Variants in LRRTM4 observed in about 807,000 individuals in gnomAD.
LRRTM4 encodes the protein leucine-rich repeat transmembrane neuronal protein 4.
In LRRTM4, 25 loss-of-function variants were observed where a neutral mutation model predicts 47.6. The observed-to-expected ratio is 0.53, with a 90% CI of 0.38 to 0.73. The LOEUF (loss-of-function observed/expected upper bound fraction) is 0.73. Among genes scored for constraint, LRRTM4 ranks in the 30% least tolerant of loss-of-function variants. The pLI is 0.00. For missense variants in LRRTM4, 638 were observed against 713.4 expected (o/e 0.89, Z 1.20); for synonymous variants, 311 against 269.5 (o/e 1.15, Z -1.51).
chr2:77,184,878 C>T (rs764410586), intron 3 of LRRTM4, among the ~76,000 whole-genome samples: 61 of 151,962 alleles, frequency 4.0e-4, no homozygotes, highest in Non-Finnish European at 7.8e-4. Context: ...AATAAGATAG[C>T]GTTGATTTGG....
intron 3 of LRRTM4, among the ~76,000 whole-genome samples, chr2:77,076,720 T>C (rs1344266783): frequency 1.3e-5 from 2 of 152,218 alleles, no homozygotes; most frequent in Admixed American, 6.5e-5. Context: ...AGAATGTTTA[T>C]GTCCTCCATA....
intron 3 of LRRTM4, among the ~76,000 whole-genome samples, chr2:76,905,070 C>T (rs921460516): frequency 1.3e-5 from 2 of 152,110 alleles, no homozygotes; most frequent in Non-Finnish European, 2.9e-5. Context: ...ACCCCCTGAC[C>T]ACTGAGCAGC....
chr2:77,477,556 C>T (rs1351971913), intron 3 of LRRTM4, among the ~76,000 whole-genome samples: 1 of 151,688 alleles, frequency 6.6e-6, no homozygotes, highest in Non-Finnish European at 1.5e-5. Context: ...CCTTCAAAGC[C>T]ACTAGGCCAG....
At chr2:77,276,146 C>T (rs373264800) in intron 3 of LRRTM4, among the ~76,000 whole-genome samples, 105 of 151,994 alleles carry the variant, frequency 6.9e-4, no homozygotes, top group African/African-American at 2.4e-3. Flanking sequence ...AGTTAAAGAG[C>T]TCCATATTCT....
At chr2:77,085,890 T>C (rs1572943158) in intron 3 of LRRTM4, among the ~76,000 whole-genome samples, 1 of 152,172 alleles carries the variant, frequency 6.6e-6, no homozygotes, top group African/African-American at 2.4e-5. Context: ...TGTTGGCCTA[T>C]TTCTAGCCTC....
At chr2:76,947,840 A>G (rs543770510) in intron 3 of LRRTM4, among the ~76,000 whole-genome samples, 4 of 151,846 alleles carry the variant, frequency 2.6e-5, no homozygotes, top group Non-Finnish European at 4.4e-5. Context: ...GGGAATAGGC[A>G]CATTTACAGC....
At chr2:77,427,321 GT>G (rs1325862790) in intron 3 of LRRTM4, among the ~76,000 whole-genome samples, 1 of 152,120 alleles carries the variant, frequency 6.6e-6, no homozygotes, top group Non-Finnish European at 1.5e-5. Context: ...TTGGGACCTA[GT>G]TAATATCTGA....
chr2:76,781,028 G>T (rs931368625), intron 3 of LRRTM4, among the ~76,000 whole-genome samples: 1 of 152,244 alleles, frequency 6.6e-6, no homozygotes, highest in Admixed American at 6.5e-5. Flanking sequence ...CGTGTGAGGT[G>T]TCAGTGTGCC....
chr2:77,121,031 A>T (rs1384530004), intron 3 of LRRTM4, among the ~76,000 whole-genome samples: 1 of 151,832 alleles, frequency 6.6e-6, no homozygotes, highest in African/African-American at 2.4e-5. Flanking sequence ...GTGCAGAGGT[A>T]CTGTTTGGAA....
chr2:76,833,730 T>C (rs1671423917), intron 3 of LRRTM4, among the ~76,000 whole-genome samples: 1 of 151,926 alleles, frequency 6.6e-6, no homozygotes, highest in Non-Finnish European at 1.5e-5. Flanking sequence ...ATATTCTACA[T>C]GCTCAATGTA....
intron 3 of LRRTM4, among the ~76,000 whole-genome samples, chr2:76,838,164 A>G (rs1381658666): frequency 6.6e-6 from 1 of 151,996 alleles, no homozygotes; most frequent in African/African-American, 2.4e-5. Flanking sequence ...ATTTATATAA[A>G]CAAGTCTCAA....
intron 3 of LRRTM4, among the ~76,000 whole-genome samples, chr2:77,278,179 C>T (rs906650392): frequency 1.3e-5 from 2 of 151,978 alleles, no homozygotes; most frequent in Middle Eastern, 3.2e-3. Flanking sequence ...CAGTCCTGCT[C>T]ACCTTTAATC....
chr2:77,280,274 G>C (rs1217252082), intron 3 of LRRTM4, among the ~76,000 whole-genome samples: 1 of 151,932 alleles, frequency 6.6e-6, no homozygotes, highest in African/African-American at 2.4e-5. Context: ...TTGTCCCCTA[G>C]AGCCTCCCGA....
chr2:77,198,452 T>A (rs1390887382), intron 3 of LRRTM4, among the ~76,000 whole-genome samples: 1 of 152,180 alleles, frequency 6.6e-6, no homozygotes, highest in Non-Finnish European at 1.5e-5. Context: ...CTCTAATCAT[T>A]TTAAGTACAA....
intron 3 of LRRTM4, among the ~76,000 whole-genome samples, chr2:76,994,887 A>G (rs1677144977): frequency 6.6e-6 from 1 of 152,024 alleles, no homozygotes; most frequent in Non-Finnish European, 1.5e-5. Context: ...AGGGAACTCT[A>G]TTTTATGGCA....
chr2:77,014,550 G>A (rs530712923), intron 3 of LRRTM4, among the ~76,000 whole-genome samples: 2 of 148,046 alleles, frequency 1.4e-5, no homozygotes, highest in South Asian at 2.2e-4. Context: ...AGTGGCTCAT[G>A]CCTGTAATCC....
intron 3 of LRRTM4, among the ~76,000 whole-genome samples, chr2:76,836,438 G>T (rs1671515293): frequency 6.6e-6 from 1 of 151,342 alleles, no homozygotes; most frequent in Non-Finnish European, 1.5e-5. Flanking sequence ...TTCCACTCCG[G>T]GCATTTTTTC....
At chr2:76,974,225 T>TATATATAC (rs1226423130) in intron 3 of LRRTM4, among the ~76,000 whole-genome samples, 2 of 99,066 alleles carry the variant, frequency 2.0e-5, no homozygotes, top group East Asian at 4.9e-4. Flanking sequence ...TATATATACA[T>TATATATAC]ACATATATAT....
At chr2:77,492,167 A>G (rs1262766630) in intron 3 of LRRTM4, among the ~76,000 whole-genome samples, 2 of 152,206 alleles carry the variant, frequency 1.3e-5, no homozygotes, top group Non-Finnish European at 2.9e-5. Context: ...TGCAAAGAAT[A>G]TTAGAAAATT....
Sources: allele counts gnomAD v4.1 joint callset (sites outside exome capture counted in the v4.1 genomes callset), GRCh38; gene constraint gnomAD v4.1.1; transcripts MANE v1.5; gene names NCBI Gene and HGNC (gene_info 2026-07-23, HGNC 2026-07-21).